Variants in ITPR2 observed in about 807,000 individuals in gnomAD.
The protein encoded by ITPR2 is inositol 1,4,5-trisphosphate receptor type 2, also known as inositol 1,4,5-trisphosphate-gated calcium channel ITPR2.
In ITPR2, 207 loss-of-function variants were observed where a neutral mutation model predicts 317.1. The observed-to-expected ratio is 0.65, with a 90% CI of 0.58 to 0.73. The LOEUF is 0.73. ITPR2 is among the 30% of genes least tolerant of loss of function. The pLI is 0.00. For synonymous variants in ITPR2, 1,156 were observed against 1,149.1 expected (o/e 1.01, Z -0.12); for missense variants, 2,613 against 3,284.0 (o/e 0.80, Z 4.99).
At chr12:26,677,961 C>G (rs778334208) in intron 13 of ITPR2, among the ~76,000 whole-genome samples, 3 of 152,182 alleles carry the variant, frequency 2.0e-5, no homozygotes, top group Non-Finnish European at 4.4e-5. Flanking sequence ...TGAGAACCAT[C>G]CCTCGAGAGG....
chr12:26,642,651 C>G (rs958769680), intron 21 of ITPR2, among the ~76,000 whole-genome samples: 1 of 152,150 alleles, frequency 6.6e-6, no homozygotes, highest in African/African-American at 2.4e-5. Context: ...AGAGGTGCAG[C>G]CAGCATAGCA....
intron 37 of ITPR2, among the ~76,000 whole-genome samples, chr12:26,535,934 G>A (rs532010329): frequency 2.6e-4 from 39 of 152,284 alleles, no homozygotes; most frequent in African/African-American, 8.4e-4. Flanking sequence ...GCAAACAACC[G>A]TCCATGATCG....
At chr12:26,590,070 GA>G (rs1240722752) in intron 32 of ITPR2, among the ~76,000 whole-genome samples, 2 of 151,636 alleles carry the variant, frequency 1.3e-5, no homozygotes, top group Non-Finnish European at 2.9e-5. Context: ...AAGACATGGA[GA>G]AAATGATGGG....
chr12:26,530,831 G>A (rs943822201), intron 37 of ITPR2, among the ~76,000 whole-genome samples: 1 of 152,100 alleles, frequency 6.6e-6, no homozygotes, highest in Non-Finnish European at 1.5e-5. Context: ...ATTTTGAGTT[G>A]TCTTAATGCA....
intron 21 of ITPR2, among the ~76,000 whole-genome samples, chr12:26,649,879 G>A (rs1947206477): frequency 6.6e-6 from 1 of 152,164 alleles, no homozygotes; most frequent in Admixed American, 6.5e-5. Flanking sequence ...TAGATAGACA[G>A]ATAGATAATC....
At chr12:26,706,927 C>A (rs1030486961) in intron 9 of ITPR2, among the ~76,000 whole-genome samples, 1 of 152,162 alleles carries the variant, frequency 6.6e-6, no homozygotes, top group African/African-American at 2.4e-5. Flanking sequence ...ATCTCTGATG[C>A]GCCTTCTTAG....
At chr12:26,761,721 C>A (rs12581084) in intron 2 of ITPR2, among the ~76,000 whole-genome samples, 7 of 152,032 alleles carry the variant, frequency 4.6e-5, no homozygotes, top group Non-Finnish European at 1.5e-5. Flanking sequence ...CACTTTAGTC[C>A]GGGGATTCAA....
At chr12:26,782,032 AT>A (rs1565760066) in intron 2 of ITPR2, among the ~76,000 whole-genome samples, 2,126 of 26,072 alleles carry the variant, frequency 0.082, 86 homozygotes, top group Non-Finnish European at 0.093. Context: ...ATATATATAT[AT>A]GTATAGAGAG....
At chr12:26,545,790 CCCT>C (rs1196391873) in intron 37 of ITPR2, among the ~76,000 whole-genome samples, 2 of 152,164 alleles carry the variant, frequency 1.3e-5, no homozygotes, top group Non-Finnish European at 2.9e-5. Context: ...CATTTAGCTC[CCCT>C]CCACTGGCAT....
At chr12:26,556,113 T>G in intron 36 of ITPR2, 120 bp downstream of exon 36, 1 of 851,092 alleles carries the variant, frequency 1.2e-6, no homozygotes, top group Non-Finnish European at 1.7e-6. Context: ...TTAACATGGA[T>G]TTTAGACCTT....
At chr12:26,399,898 C>G (rs1404001601) in intron 53 of ITPR2, among the ~76,000 whole-genome samples, 1 of 152,182 alleles carries the variant, frequency 6.6e-6, no homozygotes, top group East Asian at 1.9e-4. Flanking sequence ...TAATACAATA[C>G]ACAGATTAAC....
chr12:26,599,004 T>C (rs1945924111), intron 30 of ITPR2, 141 bp downstream of exon 30: 1 of 686,560 alleles, frequency 1.5e-6, no homozygotes, highest in South Asian at 2.2e-5. Context: ...TAAAGCAAAA[T>C]ATATTTGCAC....
At chr12:26,737,982 C>A (rs1949159320) in intron 2 of ITPR2, among the ~76,000 whole-genome samples, 1 of 151,948 alleles carries the variant, frequency 6.6e-6, no homozygotes, top group South Asian at 2.1e-4. Context: ...GGAATAATAA[C>A]AAAGAAACAC....
chr12:26,587,495 C>T (rs1945561318), intron 32 of ITPR2, among the ~76,000 whole-genome samples: 1 of 152,062 alleles, frequency 6.6e-6, no homozygotes, highest in African/African-American at 2.4e-5. Context: ...GGAAAATGTA[C>T]AGTTGCTGAG....
chr12:26,660,566 A>T (rs143012762), intron 15 of ITPR2, among the ~76,000 whole-genome samples: 9 of 152,350 alleles, frequency 5.9e-5, no homozygotes, highest in African/African-American at 2.2e-4. Flanking sequence ...GAATGTACCT[A>T]TTCCTTGAAA....
chr12:26,371,704 C>T (rs914105163), intron 55 of ITPR2, among the ~76,000 whole-genome samples: 6 of 152,142 alleles, frequency 3.9e-5, no homozygotes, highest in Admixed American at 6.6e-5. Flanking sequence ...GAGGCAGGTA[C>T]GGGGTTGGGT....
chr12:26,648,590 C>T (rs1382494170), intron 21 of ITPR2, among the ~76,000 whole-genome samples: 1 of 136,240 alleles, frequency 7.3e-6, no homozygotes, highest in Admixed American at 7.5e-5. Flanking sequence ...AAAATACTTA[C>T]AGTATGAGAG....
At chr12:26,413,258 ACCCGTCCTCTATTCTCACAGGGC>A (rs1940609954) in intron 51 of ITPR2, among the ~76,000 whole-genome samples, 1 of 152,224 alleles carries the variant, frequency 6.6e-6, no homozygotes, top group Non-Finnish European at 1.5e-5. Flanking sequence ...TTTGCCAATT[ACCCGTCCTCTATTCTCACAGGGC>A]CCTGTGATGG....
At chr12:26,663,968 G>A (rs1028132215) in intron 14 of ITPR2, 122 bp from the exon 15 acceptor site, 11 of 914,506 alleles carry the variant, frequency 1.2e-5, no homozygotes, top group African/African-American at 6.7e-5. Flanking sequence ...TAGAGTAAAC[G>A]GGAAAAACAA....
Sources: gnomAD v4.1 joint callset for allele counts (sites outside exome capture counted in the v4.1 genomes callset) on GRCh38, gnomAD v4.1.1 for gene constraint, MANE v1.5 for transcripts, NCBI Gene and HGNC (gene_info 2026-07-23, HGNC 2026-07-21) for gene names.